Variants in FAM53B observed in about 807,000 individuals in gnomAD.
FAM53B encodes the protein family with sequence similarity 53 member B.
FAM53B carries 12 observed loss-of-function variants against 32.7 expected under a neutral mutation model. The observed-to-expected ratio is 0.37, with a 90% CI of 0.24 to 0.59. FAM53B has a LOEUF of 0.59. Ranked by LOEUF, FAM53B falls within the 20% of genes least tolerant of loss-of-function variation. The pLI is 0.72. For missense variants in FAM53B, 477 were observed against 577.7 expected (o/e 0.83, Z 1.79); for synonymous variants, 234 against 228.7 (o/e 1.02, Z -0.21).
chr10:124,742,606 C>T (rs2134108276), intron 1 of FAM53B: 1 of 152,392 alleles, frequency 6.6e-6, no homozygotes, highest in East Asian at 1.9e-4. Flanking sequence ...AAGACGCTTG[C>T]CTGGCTTCCC....
At chr10:124,664,141 G>A (rs993932223) in intron 4 of FAM53B, among the ~76,000 whole-genome samples, 3 of 152,102 alleles carry the variant, frequency 2.0e-5, no homozygotes, top group Non-Finnish European at 4.4e-5. Context: ...GTGAGCAGGT[G>A]CCGGTCTCCA....
intron 4 of FAM53B, among the ~76,000 whole-genome samples, chr10:124,660,854 A>G (rs1443272923): frequency 6.6e-6 from 1 of 152,204 alleles, no homozygotes; most frequent in Non-Finnish European, 1.5e-5. Context: ...CCGTTGTAGC[A>G]TGAAAGCAGC....
chr10:124,653,391 C>A (rs1201976173), intron 4 of FAM53B, among the ~76,000 whole-genome samples: 2 of 152,188 alleles, frequency 1.3e-5, no homozygotes, highest in East Asian at 1.9e-4. Flanking sequence ...GGCGTGGGGA[C>A]CCTGATGGAC....
chr10:124,701,396 C>T (rs570637730), intron 2 of FAM53B, among the ~76,000 whole-genome samples: 1 of 152,336 alleles, frequency 6.6e-6, no homozygotes, highest in South Asian at 2.1e-4. Context: ...TTGGTTGTTA[C>T]GTGGAAAGTC....
At chr10:124,662,327 T>C (rs1005837511) in intron 4 of FAM53B, among the ~76,000 whole-genome samples, 1 of 152,238 alleles carries the variant, frequency 6.6e-6, no homozygotes, top group African/African-American at 2.4e-5. Context: ...AATGCTGTCA[T>C]CCTTGCTTAC....
chr10:124,722,029 G>A (rs1389642779), intron 1 of FAM53B, among the ~76,000 whole-genome samples: 1 of 152,192 alleles, frequency 6.6e-6, no homozygotes, highest in African/African-American at 2.4e-5. Flanking sequence ...ACTAGAGGCT[G>A]GGAAGGGTAG....
intron 4 of FAM53B, among the ~76,000 whole-genome samples, chr10:124,632,675 G>A (rs1013557546): frequency 2.6e-5 from 4 of 152,198 alleles, no homozygotes; most frequent in Non-Finnish European, 4.4e-5. Flanking sequence ...TCCAGATATT[G>A]TCTTCCATGG....
chr10:124,734,099 G>C (rs1038965046), intron 1 of FAM53B, among the ~76,000 whole-genome samples: 8 of 152,242 alleles, frequency 5.3e-5, no homozygotes, highest in Admixed American at 5.2e-4. Flanking sequence ...CTCAGTTAGA[G>C]AGACTTTCTA....
At chr10:124,705,006 G>A (rs933075882) in intron 2 of FAM53B, among the ~76,000 whole-genome samples, 4 of 152,174 alleles carry the variant, frequency 2.6e-5, no homozygotes, top group South Asian at 2.1e-4. Context: ...TCTACTCCTC[G>A]CTGCAGTGAC....
intron 4 of FAM53B, among the ~76,000 whole-genome samples, chr10:124,634,014 T>G (rs1949410255): frequency 6.6e-6 from 1 of 152,244 alleles, no homozygotes; most frequent in African/African-American, 2.4e-5. Context: ...TGGCAGCTTC[T>G]CAAAATGTTC....
intron 3 of FAM53B, among the ~76,000 whole-genome samples, chr10:124,691,758 A>G (rs1296196296): frequency 1.3e-5 from 2 of 152,244 alleles, no homozygotes; most frequent in Non-Finnish European, 2.9e-5. Flanking sequence ...AAAAAGATCA[A>G]ACTAGTACAC....
chr10:124,741,230 T>C (rs1950197502), intron 1 of FAM53B, among the ~76,000 whole-genome samples: 1 of 152,164 alleles, frequency 6.6e-6, no homozygotes, highest in South Asian at 2.1e-4. Context: ...GTGTGCGTGG[T>C]GGTGGTAATG....
At chr10:124,628,181 T>C (rs2134036545) in intron 4 of FAM53B, among the ~76,000 whole-genome samples, 1 of 152,222 alleles carries the variant, frequency 6.6e-6, no homozygotes, top group East Asian at 1.9e-4. Context: ...CAGAACCCAC[T>C]CTGGGCTCCG....
At chr10:124,623,792 C>T (rs763513184) in intron 4 of FAM53B, 188 bp from the exon 5 acceptor site, 3 of 597,962 alleles carry the variant, frequency 5.0e-6, no homozygotes, top group Non-Finnish European at 8.6e-6. Context: ...GGCCAATGAG[C>T]GCTCTGTGCT....
intron 3 of FAM53B, among the ~76,000 whole-genome samples, chr10:124,685,616 C>T (rs1449867095): frequency 6.6e-6 from 1 of 152,254 alleles, no homozygotes; most frequent in East Asian, 1.9e-4. Context: ...CTCGGGGAAA[C>T]CCGTGACATG....
intron 4 of FAM53B, among the ~76,000 whole-genome samples, chr10:124,650,326 C>G (rs1019638425): frequency 6.6e-6 from 1 of 152,308 alleles, no homozygotes; most frequent in South Asian, 2.1e-4. Context: ...ATCTGAGAAC[C>G]AGGCATGAGC....
At chr10:124,727,593 GC>G (rs1226083114) in intron 1 of FAM53B, among the ~76,000 whole-genome samples, 7 of 152,092 alleles carry the variant, frequency 4.6e-5, no homozygotes, top group Non-Finnish European at 8.8e-5. Context: ...ACTAGTCACT[GC>G]CATTCACCAT....
chr10:124,735,974 A>G (rs1238106060), intron 1 of FAM53B, among the ~76,000 whole-genome samples: 2 of 152,232 alleles, frequency 1.3e-5, no homozygotes, highest in African/African-American at 4.8e-5. Context: ...GACTCTGCCC[A>G]AAGTTCCTCT....
At chr10:124,672,311 C>G (rs1949711653) in intron 4 of FAM53B, among the ~76,000 whole-genome samples, 2 of 152,224 alleles carry the variant, frequency 1.3e-5, no homozygotes, top group South Asian at 4.1e-4. Flanking sequence ...ACTGGGCTCT[C>G]AACAGCCCGC....
Sources: allele counts gnomAD v4.1 joint callset (sites outside exome capture counted in the v4.1 genomes callset), GRCh38; gene constraint gnomAD v4.1.1; transcripts MANE v1.5; gene names NCBI Gene and HGNC (gene_info 2026-07-23, HGNC 2026-07-21).